The following PPIL1 variants were observed in gnomAD, a reference collection of about 807,000 sequenced individuals.
The protein encoded by PPIL1 is peptidyl-prolyl cis-trans isomerase-like 1.
A neutral mutation model predicts 19.4 loss-of-function variants in PPIL1; 14 were observed. That is an observed-to-expected ratio of 0.72 (90% CI 0.48 to 1.13). PPIL1 has a LOEUF of 1.13. Ranked by LOEUF, PPIL1 falls within the 50% of genes most tolerant of loss-of-function variation. The probability of loss-of-function intolerance (pLI) is 0.00; values close to 1 mark genes in which losing one functional copy is unlikely to be tolerated. For synonymous variants in PPIL1, 72 were observed against 73.6 expected, an observed-to-expected ratio of 0.98 and a Z score of 0.11; for missense variants, 192 against 218.0, an observed-to-expected ratio of 0.88 and a Z score of 0.75.
chr6:36,871,789 T>C lies in PPIL1; in HGVS notation c.140A>G (p.Tyr47Cys), dbSNP rs760273115. 1 of 1,612,020 alleles carries C rather than the reference T, an allele frequency of 6.2e-7. No homozygotes were observed. The change falls in exon 2 of 4, where the codon TAC becomes TGC. Residue 47 changes from tyrosine to cysteine, a missense_variant. Coordinates refer to ENST00000373699, the MANE Select transcript of PPIL1 (RefSeq NM_016059.5). Reference sequence around the variant, plus strand: ...TCTGTGGAATTTTGTGCCATTGTAGTAACCTCGACGAGCCAACTCAGCAAA... The same window carrying C: ...TCTGTGGAATTTTGTGCCATTGTAGCAACCTCGACGAGCCAACTCAGCAAA... ...KNFAELARRG[Y>C]YNGTKFHRII...
Position 36,856,006 on chromosome 6 carries a change from G to A in PPIL1, c.308C>T (p.Ala103Val), listed in dbSNP as rs1315919790. ...TGAGILAMAN[A>V]GPDTNGSQFF... ...CTGGCTGCCATTGGTATCTGGCCCC[G>A]CATTGGCCATTGCGAGAATTCCAGC... Residue 103 changes from alanine (A) to valine (V), a missense_variant, in exon 4 of 4, where the codon GCG becomes GTG. Physicochemically the swap from Ala to Val is moderately conservative, Grantham distance 64. Coordinates refer to ENST00000373699, the MANE Select transcript of PPIL1 (RefSeq NM_016059.5). The A allele has an allele frequency of 4.3e-6, 7 of 1,614,034 alleles. No homozygotes were observed. The highest frequency in any genetic ancestry group is 1.7e-5 in the Admixed American group (1 of 59,994).
intron 1 of PPIL1, among the ~76,000 whole-genome samples, chr6:36,872,893 G>A (rs1431391258): frequency 6.6e-6 from 1 of 152,214 alleles, no homozygotes; most frequent in East Asian, 1.9e-4. Context: ...ACAGATGTGA[G>A]CTATGGCACC....
intron 2 of PPIL1, among the ~76,000 whole-genome samples, chr6:36,865,417 C>T (rs1415815343): frequency 6.6e-6 from 1 of 152,140 alleles, no homozygotes; most frequent in Non-Finnish European, 1.5e-5. Flanking sequence ...TTTACAGGGG[C>T]CTTTGAATCA....
At chr6:36,862,899 CTCTT>C (rs1372364190) in intron 2 of PPIL1, among the ~76,000 whole-genome samples, 1 of 152,222 alleles carries the variant, frequency 6.6e-6, no homozygotes, top group Non-Finnish European at 1.5e-5. Context: ...ATGCTGTCTT[CTCTT>C]TCTCACTTGC....
At chr6:36,862,742 C>T (rs1019231701) in intron 2 of PPIL1, among the ~76,000 whole-genome samples, 5 of 152,176 alleles carry the variant, frequency 3.3e-5, no homozygotes, top group Middle Eastern at 3.2e-3. Flanking sequence ...CACTTCCAGA[C>T]GTTCTGTTGT....
intron 1 of PPIL1, 46 bp from the exon 2 acceptor site, chr6:36,871,918 G>C (rs529480697): frequency 6.7e-7 from 1 of 1,496,170 alleles, no homozygotes; most frequent in Admixed American, 2.5e-5. Context: ...AAAGGTCAGG[G>C]CAGACAGGAG....
At chr6:36,856,090 G>T (rs1032774041) in intron 3 of PPIL1, 57 bp from the exon 4 acceptor site, 6 of 1,534,220 alleles carry the variant, frequency 3.9e-6, no homozygotes, top group Non-Finnish European at 3.5e-6. Context: ...GTCCAGTGTA[G>T]AGCTGCTGCC....
At position 36,859,811 on chromosome 6, in the gene PPIL1, T is replaced by TTGTGTGTGTGTGTGTG. The variant is rs71880744; in HGVS notation, c.212-3173_212-3158dup. On this transcript the variant is annotated intron_variant, in intron 2 of 3. Coordinates refer to ENST00000373699, the MANE Select transcript of PPIL1 (RefSeq NM_016059.5). ...TGAAGATAGGCAGACCTGTTTTCTA[T>TTGTGTGTGTGTGTGTG]TGTGTGTGTGTGTGTGTGTGTGTGT... Among the ~76,000 whole-genome samples, 764 of 144,976 alleles carry TTGTGTGTGTGTGTGTG rather than the reference T, an allele frequency of 5.3e-3. 14 individuals are homozygous for TTGTGTGTGTGTGTGTG. The highest frequency in any genetic ancestry group is 0.033 in the East Asian group (159 of 4,838).
intron 2 of PPIL1, among the ~76,000 whole-genome samples, chr6:36,864,630 CA>C (rs1774359576): frequency 6.6e-6 from 1 of 152,132 alleles, no homozygotes; most frequent in Non-Finnish European, 1.5e-5. Context: ...TGTCTGGAGA[CA>C]ATTTGGGTTG....
chr6:36,869,847 T>C (rs911993147), intron 2 of PPIL1, among the ~76,000 whole-genome samples: 2 of 152,240 alleles, frequency 1.3e-5, no homozygotes, highest in African/African-American at 4.8e-5. Context: ...TGAAATTAAA[T>C]GTAATATGTT....
intron 1 of PPIL1, among the ~76,000 whole-genome samples, chr6:36,872,901 A>G (rs991153427): frequency 1.3e-5 from 2 of 152,184 alleles, no homozygotes; most frequent in African/African-American, 4.8e-5. Flanking sequence ...GAGCTATGGC[A>G]CCTGGCCAGA....
chr6:36,871,526 ATG>A (rs1491433013), intron 2 of PPIL1, among the ~76,000 whole-genome samples, 190 bp downstream of exon 2: 3 of 151,694 alleles, frequency 2.0e-5, no homozygotes, highest in Admixed American at 1.3e-4. Flanking sequence ...AATTCCACAC[ATG>A]TGTGTTTGAG....
chr6:36,867,844 A>G (rs1774425752), intron 2 of PPIL1, among the ~76,000 whole-genome samples: 1 of 152,256 alleles, frequency 6.6e-6, no homozygotes, highest in Non-Finnish European at 1.5e-5. Flanking sequence ...GCAACCTAAC[A>G]TTTGAAGTGG....
chr6:36,858,372 T>G (rs2150654628), intron 2 of PPIL1, among the ~76,000 whole-genome samples: 1 of 152,112 alleles, frequency 6.6e-6, no homozygotes, highest in East Asian at 1.9e-4. Flanking sequence ...ACTACATTGG[T>G]TTCTCCAAGT....
chr6:36,869,597 A>G (rs570625041), intron 2 of PPIL1, among the ~76,000 whole-genome samples: 2 of 152,312 alleles, frequency 1.3e-5, no homozygotes, highest in African/African-American at 4.8e-5. Context: ...CTAAAAAACC[A>G]CTAGACAAGA....
intron 1 of PPIL1, among the ~76,000 whole-genome samples, chr6:36,873,408 A>G (rs1395510208): frequency 2.0e-5 from 3 of 152,232 alleles, no homozygotes; most frequent in Admixed American, 6.5e-5. Context: ...AAGAAAACCA[A>G]GTTACAGAAA....
intron 2 of PPIL1, among the ~76,000 whole-genome samples, chr6:36,859,844 T>TGTGTGTGTGTGTGTGTGTGTGTGTGTG (rs1554132501): frequency 2.1e-4 from 31 of 150,380 alleles, no homozygotes; most frequent in African/African-American, 2.9e-4. Flanking sequence ...TGTGTGTGTG[T>TGTGTGTGTGTGTGTGTGTGTGTGTGTG]TTTGAGACAG....
At chr6:36,874,577 T>C (rs1583125329) in intron 1 of PPIL1, 140 bp downstream of exon 1, 5 of 1,182,642 alleles carry the variant, frequency 4.2e-6, no homozygotes, top group African/African-American at 1.5e-5. Flanking sequence ...CTCAACCCTC[T>C]GGGGGCCGTC....
intron 2 of PPIL1, among the ~76,000 whole-genome samples, chr6:36,861,667 CTTT>C (rs902958602): frequency 4.8e-5 from 7 of 146,890 alleles, no homozygotes; most frequent in Non-Finnish European, 9.0e-5. Context: ...TAACCTTCTT[CTTT>C]ATGATCTGTG....
Sources: allele counts gnomAD v4.1 joint callset (sites outside exome capture counted in the v4.1 genomes callset), GRCh38; gene constraint gnomAD v4.1.1; transcripts MANE v1.5; gene names NCBI Gene and HGNC (gene_info 2026-07-23, HGNC 2026-07-21).